PALLD: variants seen among roughly 807,000 people sequenced by gnomAD.
PALLD encodes palladin, cytoskeletal associated protein, also known as palladin.
In PALLD, 61 loss-of-function variants were observed where a neutral mutation model predicts 123.5. The observed-to-expected ratio is 0.49, with a 90% CI of 0.40 to 0.61. The LOEUF is 0.61. Ranked by LOEUF, PALLD falls within the 20% of genes least tolerant of loss-of-function variation. The pLI, the probability that PALLD is intolerant of heterozygous loss-of-function variation, is 0.00. For synonymous variants in PALLD, 465 were observed against 496.4 expected, an observed-to-expected ratio of 0.94 and a Z score of 0.84; for missense variants, 1,273 against 1,377.0, an observed-to-expected ratio of 0.92 and a Z score of 1.20.
intron 10 of PALLD, among the ~76,000 whole-genome samples, chr4:168,793,886 C>T (rs1472801239): frequency 1.3e-5 from 2 of 152,158 alleles, no homozygotes; most frequent in African/African-American, 4.8e-5. Flanking sequence ...AAAATCTTGT[C>T]TGGTTCAGTC....
chr4:168,581,717 CTT>C lies in PALLD; in HGVS notation c.908+69307_908+69308del, dbSNP rs1181273065. Among the ~76,000 whole-genome samples, 4 of 152,116 alleles carry C rather than the reference CTT, an allele frequency of 2.6e-5. No homozygotes were observed. In the East Asian group the frequency reaches 7.7e-4, roughly 29 times the overall value. On this transcript the variant is annotated intron_variant, in intron 2 of 21. Transcript: ENST00000505667. ...TTTTATCCCATTTCTTAGGTTGTCTCTTTACTCTGTTGACTATTTCCTTTGCT... is the reference window on the plus strand; with the variant it reads ...TTTTATCCCATTTCTTAGGTTGTCTCTACTCTGTTGACTATTTCCTTTGCT...
intron 8 of PALLD, among the ~76,000 whole-genome samples, chr4:168,704,515 C>CA (rs1293104692): frequency 2.0e-5 from 3 of 151,714 alleles, no homozygotes; most frequent in East Asian, 1.9e-4. Context: ...ACTAAAAATA[C>CA]AAAAAAATTA....
chr4:168,602,070 G>T (rs2149728742), intron 2 of PALLD, among the ~76,000 whole-genome samples: 1 of 152,346 alleles, frequency 6.6e-6, no homozygotes, highest in East Asian at 1.9e-4. Flanking sequence ...CGGTGAGTCT[G>T]CAGATATTAA....
chr4:168,899,839 C>T (rs576124956), intron 14 of PALLD, among the ~76,000 whole-genome samples: 138 of 151,958 alleles, frequency 9.1e-4, no homozygotes, highest in Non-Finnish European at 1.8e-3. Flanking sequence ...ATTGCTGGAA[C>T]CCAGGAGGTG....
intron 10 of PALLD, among the ~76,000 whole-genome samples, chr4:168,719,449 G>A (rs1400541041): frequency 6.6e-6 from 1 of 151,654 alleles, no homozygotes; most frequent in Non-Finnish European, 1.5e-5. Flanking sequence ...TAGTAGAGAC[G>A]AGGTTTCACC....
intron 10 of PALLD, among the ~76,000 whole-genome samples, chr4:168,796,552 C>T (rs1260281820): frequency 1.3e-4 from 20 of 152,114 alleles, no homozygotes; most frequent in Non-Finnish European, 2.6e-4. Context: ...TACTCTTGGC[C>T]CAGGATCTGA....
intron 2 of PALLD, among the ~76,000 whole-genome samples, chr4:168,618,106 A>G (rs2149789404): frequency 6.6e-6 from 1 of 152,334 alleles, no homozygotes; most frequent in East Asian, 1.9e-4. Flanking sequence ...CTACGAAGTG[A>G]GAGGTAGCTT....
At chr4:168,635,851 T>C (rs1561330408) in intron 2 of PALLD, among the ~76,000 whole-genome samples, 1 of 152,180 alleles carries the variant, frequency 6.6e-6, no homozygotes. Flanking sequence ...GAGACCAAAT[T>C]AGTGTGGCAC....
At chr4:168,500,956 T>C (rs1761338894) in intron 1 of PALLD, among the ~76,000 whole-genome samples, 1 of 152,230 alleles carries the variant, frequency 6.6e-6, no homozygotes, top group Non-Finnish European at 1.5e-5. Flanking sequence ...TTATGTCAAA[T>C]GTGTAATATA....
At chr4:168,629,893 C>A (rs1342029341) in intron 2 of PALLD, among the ~76,000 whole-genome samples, 1 of 152,178 alleles carries the variant, frequency 6.6e-6, no homozygotes, top group African/African-American at 2.4e-5. Flanking sequence ...TCCCCACAAG[C>A]AAGCAGGACC....
intron 10 of PALLD, among the ~76,000 whole-genome samples, chr4:168,753,949 A>G (rs557553966): frequency 5.6e-4 from 86 of 152,334 alleles, no homozygotes; most frequent in African/African-American, 1.6e-3. Context: ...AAGCCAATAA[A>G]TTTTGAGGTA....
At chr4:168,712,164 T>TA (rs1784895311) in intron 10 of PALLD, 2 of 571,580 alleles carry the variant, frequency 3.5e-6, no homozygotes, top group African/African-American at 3.8e-5. Flanking sequence ...GCTGTGAAAA[T>TA]ATCTGTGCCC....
At chr4:168,689,432 C>CTTTTTTTTTTTTTT (rs70961551) in intron 6 of PALLD, among the ~76,000 whole-genome samples, 6 of 49,858 alleles carry the variant, frequency 1.2e-4, no homozygotes, top group Non-Finnish European at 1.5e-4. Context: ...ATCCAATATT[C>CTTTTTTTTTTTTTT]TTTTTTTTTT....
chr4:168,578,066 C>T (rs900997933), intron 2 of PALLD, among the ~76,000 whole-genome samples: 1 of 151,978 alleles, frequency 6.6e-6, no homozygotes, highest in Non-Finnish European at 1.5e-5. Flanking sequence ...TATACTGAGG[C>T]AAAGTAGCCT....
intron 10 of PALLD, among the ~76,000 whole-genome samples, chr4:168,816,896 A>G (rs1742049272): frequency 7.5e-6 from 1 of 134,190 alleles, no homozygotes. Flanking sequence ...GCCGTGGGCA[A>G]GGGGCGGGGG....
intron 10 of PALLD, among the ~76,000 whole-genome samples, chr4:168,745,423 T>TGGG (rs373208984): frequency 1.5e-5 from 1 of 64,930 alleles, no homozygotes; most frequent in African/African-American, 5.0e-5. Flanking sequence ...GTCTGTGAGA[T>TGGG]GGGAGGGGGG....
rs1491160147 is a variant in PALLD, at chr4:168,810,825, AAG to A, written c.1965-80095_1965-80094del. Among the ~76,000 whole-genome samples, 774 of 110,726 alleles carry A rather than the reference AAG, an allele frequency of 7.0e-3. 32 individuals carry two copies. The highest frequency in any genetic ancestry group is 0.021 in the African/African-American group (516 of 24,084). 72.6% of individuals were successfully genotyped at this position (110,726 alleles called of 152,430 possible). A position where few individuals can be genotyped will look rare whatever the true frequency, so the allele number is the denominator to read the frequency against. On this transcript the variant is annotated intron_variant, in intron 10 of 21. Coordinates refer to ENST00000505667, the MANE Select transcript of PALLD (RefSeq NM_001166108.2). ...GCGAGACTCCGTCTCAAAAAAAAAA[AAG>A]AAAAAAAAAGAAGAAGAAGAAGAAA...
At chr4:168,702,012 C>T (rs539266128) in intron 8 of PALLD, among the ~76,000 whole-genome samples, 12 of 152,328 alleles carry the variant, frequency 7.9e-5, no homozygotes, top group Admixed American at 7.2e-4. Context: ...CCTCAGAGGA[C>T]ATATTGCCCT....
intron 3 of PALLD, among the ~76,000 whole-genome samples, chr4:168,672,283 A>G (rs1780357907): frequency 6.6e-6 from 1 of 152,154 alleles, no homozygotes. Context: ...ACTTAAGACC[A>G]TATAAGGTAT....
Sources: gnomAD v4.1 joint callset for allele counts (sites outside exome capture counted in the v4.1 genomes callset) on GRCh38, gnomAD v4.1.1 for gene constraint, MANE v1.5 for transcripts, NCBI Gene and HGNC (gene_info 2026-07-23, HGNC 2026-07-21) for gene names.